Variants in FAM107B observed in about 807,000 individuals in gnomAD.
FAM107B encodes protein FAM107B.
Under a neutral mutation model 31.5 loss-of-function variants are expected in FAM107B, and 21 were observed. The observed-to-expected ratio is 0.67, with a 90% CI of 0.47 to 0.96. The LOEUF is 0.96. FAM107B is among the 40% of genes least tolerant of loss of function. FAM107B has a pLI of 0.00. For synonymous variants in FAM107B, 157 were observed against 141.5 expected (o/e 1.11, Z -0.78); for missense variants, 452 against 377.1 (o/e 1.20, Z -1.64).
Position 14,521,913 on chromosome 10 carries a change from C to A in FAM107B, c.760G>T (p.Asp254Tyr). Reference sequence around the variant, plus strand: ...CGTTTTAATAGCTCTATTTCCAAGTCAGATTTCTTCTTCTGTGCTTCTTCT... The same window carrying A: ...CGTTTTAATAGCTCTATTTCCAAGTAAGATTTCTTCTTCTGTGCTTCTTCT... The part of the protein sequence containing the change: ...KEEEAQKKKS[D>Y]LEIELLKRQQ... Residue 254 changes from aspartate (D) to tyrosine (Y), a missense_variant, in exon 4 of 5, where the codon GAC (aspartate) becomes TAC (tyrosine). Asp to Tyr is a radical substitution (Grantham distance 160). Transcript: ENST00000181796. The A allele has an allele frequency of 6.2e-7, 1 of 1,614,212 alleles. No homozygotes were observed. The highest frequency in any genetic ancestry group is 8.5e-7 in the Non-Finnish European group (1 of 1,180,040).
intron 2 of FAM107B, chr10:14,604,286 G>A (rs1468771164): frequency 1.0e-6 from 1 of 978,758 alleles, no homozygotes. Context: ...GCTCGCTCCC[G>A]GCGCCCGCGG....
At chr10:14,739,182 C>G (rs549117171) in intron 1 of FAM107B, among the ~76,000 whole-genome samples, 11 of 152,184 alleles carry the variant, frequency 7.2e-5, no homozygotes, top group Middle Eastern at 3.2e-3. Flanking sequence ...CATCCCATTA[C>G]GTAAAGTGAT....
At chr10:14,629,549 G>C (rs1345451524) in intron 2 of FAM107B, among the ~76,000 whole-genome samples, 2 of 135,572 alleles carry the variant, frequency 1.5e-5, no homozygotes, top group Admixed American at 8.1e-5. Flanking sequence ...GACTCGCTCT[G>C]TCGCCCAGGC....
At chr10:14,522,097 A>G (rs892786127) in intron 3 of FAM107B, 78 bp from the exon 4 acceptor site, 3 of 1,533,724 alleles carry the variant, frequency 2.0e-6, no homozygotes, top group East Asian at 2.3e-5. Context: ...TTAACTTACA[A>G]TATCAACCAC....
chr10:14,558,701 G>A (rs760552899), intron 2 of FAM107B, among the ~76,000 whole-genome samples: 2 of 152,148 alleles, frequency 1.3e-5, no homozygotes, highest in Non-Finnish European at 2.9e-5. Flanking sequence ...GTTGGGTGGG[G>A]AGTTGAGCAG....
intron 1 of FAM107B, among the ~76,000 whole-genome samples, chr10:14,676,948 A>T (rs1303384463): frequency 6.6e-6 from 1 of 152,174 alleles, no homozygotes; most frequent in Admixed American, 6.5e-5. Context: ...TTGACATGAA[A>T]GCAGAGAGTC....
At chr10:14,739,183 G>A (rs1460774437) in intron 1 of FAM107B, among the ~76,000 whole-genome samples, 3 of 152,316 alleles carry the variant, frequency 2.0e-5, no homozygotes, top group East Asian at 1.9e-4. Context: ...ATCCCATTAC[G>A]TAAAGTGATC....
At chr10:14,625,642 CTT>C (rs1254382762) in intron 2 of FAM107B, among the ~76,000 whole-genome samples, 1 of 152,088 alleles carries the variant, frequency 6.6e-6, no homozygotes, top group Non-Finnish European at 1.5e-5. Context: ...GGATTTATCT[CTT>C]GTTAGAACTG....
At chr10:14,581,037 A>C (rs776581537) in intron 2 of FAM107B, among the ~76,000 whole-genome samples, 1 of 152,250 alleles carries the variant, frequency 6.6e-6, no homozygotes, top group African/African-American at 2.4e-5. Context: ...CTGCTGCTGG[A>C]AACAGCAGAT....
chr10:14,692,403 TG>T (rs1855160006), intron 1 of FAM107B, among the ~76,000 whole-genome samples: 3 of 152,192 alleles, frequency 2.0e-5, no homozygotes, highest in African/African-American at 7.2e-5. Context: ...GGGCTGAGGG[TG>T]GGGTGACTTC....
chr10:14,769,575 G>A (rs181164446), intron 1 of FAM107B, among the ~76,000 whole-genome samples: 2 of 151,974 alleles, frequency 1.3e-5, no homozygotes, highest in East Asian at 1.9e-4. Flanking sequence ...TAGTAGAGAC[G>A]GGGTTTCACG....
intron 1 of FAM107B, among the ~76,000 whole-genome samples, chr10:14,769,919 G>A (rs1833262985): frequency 6.6e-6 from 1 of 152,180 alleles, no homozygotes; most frequent in Non-Finnish European, 1.5e-5. Context: ...GAGTGAAACA[G>A]CACCATTCAA....
intron 3 of FAM107B, among the ~76,000 whole-genome samples, chr10:14,526,584 T>C (rs1311136531): frequency 1.3e-5 from 2 of 152,238 alleles, no homozygotes; most frequent in Non-Finnish European, 2.9e-5. Flanking sequence ...CAAATACTTG[T>C]ATCCTTTATC....
intron 1 of FAM107B, among the ~76,000 whole-genome samples, chr10:14,762,803 A>C (rs558051655): frequency 9.4e-4 from 135 of 143,920 alleles, no homozygotes; most frequent in South Asian, 1.3e-3. Flanking sequence ...CACACACACA[A>C]AAAGAACATG....
At chr10:14,622,938 C>T (rs551993571) in intron 2 of FAM107B, among the ~76,000 whole-genome samples, 1 of 152,162 alleles carries the variant, frequency 6.6e-6, no homozygotes, top group Admixed American at 6.5e-5. Context: ...TACACAATTT[C>T]TAGTTTGCCT....
intron 2 of FAM107B, among the ~76,000 whole-genome samples, chr10:14,564,781 C>T (rs1850524193): frequency 6.6e-6 from 1 of 152,200 alleles, no homozygotes; most frequent in African/African-American, 2.4e-5. Flanking sequence ...TACTAACAAT[C>T]CAACTGAAAG....
intron 1 of FAM107B, among the ~76,000 whole-genome samples, chr10:14,755,842 C>A (rs1252251198): frequency 2.6e-5 from 4 of 152,182 alleles, no homozygotes; most frequent in Non-Finnish European, 5.9e-5. Context: ...TACACCCCAT[C>A]CCCAAATTTT....
At chr10:14,533,213 G>T (rs1421194677) in intron 2 of FAM107B, among the ~76,000 whole-genome samples, 1 of 152,170 alleles carries the variant, frequency 6.6e-6, no homozygotes. Flanking sequence ...GGTCATCCAG[G>T]TGAGAGATGC....
intron 2 of FAM107B, among the ~76,000 whole-genome samples, chr10:14,605,082 G>A (rs1459711540): frequency 6.6e-6 from 1 of 152,174 alleles, no homozygotes; most frequent in Non-Finnish European, 1.5e-5. Context: ...AGAAAACGCA[G>A]ACAGAATCAG....
Sources: gnomAD v4.1 joint callset for allele counts (sites outside exome capture counted in the v4.1 genomes callset) on GRCh38, gnomAD v4.1.1 for gene constraint, MANE v1.5 for transcripts, NCBI Gene and HGNC (gene_info 2026-07-23, HGNC 2026-07-21) for gene names.